TMEM135: variants seen among roughly 807,000 people sequenced by gnomAD.
The protein encoded by TMEM135 is peroxisomal membrane protein 52.
TMEM135 carries 30 observed loss-of-function variants against 60.3 expected under a neutral mutation model. The observed-to-expected ratio is 0.50, with a 90% CI of 0.37 to 0.68. The LOEUF is 0.68. Ranked by LOEUF, TMEM135 falls within the 30% of genes least tolerant of loss-of-function variation. The pLI is 0.00. For synonymous variants in TMEM135, 190 were observed against 186.7 expected (o/e 1.02, Z -0.14); for missense variants, 468 against 548.8 (o/e 0.85, Z 1.47).
At position 87,212,736 on chromosome 11, in the gene TMEM135, T is replaced by C. The variant is rs571782933; in HGVS notation, c.463-23902T>C. Among the ~76,000 whole-genome samples, 6 of 149,688 alleles carry C rather than the reference T, an allele frequency of 4.0e-5. No individual in the cohort carries two copies. The South Asian group carries it at 1.3e-3, about 32-fold the overall frequency. ...TACTCAAGAGGCTGAAGTGAGAGAA[T>C]CTCTTGAGCCTGAGAAGCGGAGGTT... On this transcript the variant is annotated intron_variant, in intron 5 of 14. Transcript: ENST00000305494.
At chr11:87,258,942 C>A in intron 6 of TMEM135, 1 of 1,469,562 alleles carries the variant, frequency 6.8e-7, no homozygotes, top group Non-Finnish European at 9.5e-7. Flanking sequence ...GCTGCAGTTG[C>A]TGCTGTTGCT....
At chr11:87,139,710 T>C (rs1938211571) in intron 4 of TMEM135, among the ~76,000 whole-genome samples, 1 of 152,230 alleles carries the variant, frequency 6.6e-6, no homozygotes, top group Non-Finnish European at 1.5e-5. Context: ...TCACTATCAC[T>C]TGGTATTGTC....
At chr11:87,120,337 C>G (rs969008317) in intron 4 of TMEM135, among the ~76,000 whole-genome samples, 1 of 151,644 alleles carries the variant, frequency 6.6e-6, no homozygotes, top group African/African-American at 2.4e-5. Context: ...AACTCCTGGA[C>G]TTAAGTGATT....
chr11:87,236,292 A>T (rs78943232), intron 5 of TMEM135, among the ~76,000 whole-genome samples: 12,209 of 152,018 alleles, frequency 0.08, 538 homozygotes, highest in African/African-American at 0.096. Context: ...TTTCTGGGCC[A>T]CATTGGAAGA....
intron 4 of TMEM135, among the ~76,000 whole-genome samples, chr11:87,144,024 G>A (rs968007211): frequency 1.3e-5 from 2 of 152,040 alleles, no homozygotes; most frequent in African/African-American, 2.4e-5. Context: ...TCTGTGAGAC[G>A]AATGATGTGA....
intron 4 of TMEM135, among the ~76,000 whole-genome samples, chr11:87,097,811 G>A (rs1857364944): frequency 6.6e-6 from 1 of 152,150 alleles, no homozygotes; most frequent in Non-Finnish European, 1.5e-5. Flanking sequence ...ATTTCACTGA[G>A]ACTGCTGAAA....
chr11:87,121,649 T>TTTTTG (rs1937597239), intron 4 of TMEM135: 1 of 148,182 alleles, frequency 6.7e-6, no homozygotes. Context: ...CTTTTTTTTT[T>TTTTTG]TTTTTTTTTG....
chr11:87,302,531 C>G, intron 8 of TMEM135, 89 bp downstream of exon 8: 1 of 1,524,870 alleles, frequency 6.6e-7, no homozygotes, highest in Non-Finnish European at 9.1e-7. Flanking sequence ...GTTTTCTATT[C>G]AGGTAATGAT....
At chr11:87,302,504 A>G (rs1446828106) in intron 8 of TMEM135, 62 bp downstream of exon 8, 2 of 1,601,724 alleles carry the variant, frequency 1.2e-6, no homozygotes, top group African/African-American at 2.7e-5. Flanking sequence ...TATTTGTACC[A>G]TGCCAAGGTT....
In TMEM135 at chr11:87,236,687, A is replaced by G. The variant is rs1941003647; in HGVS notation, c.509+3A>G. 1 of 1,611,260 alleles carries G rather than the reference A, an allele frequency of 6.2e-7. No homozygotes were observed. The highest frequency in any genetic ancestry group is 8.5e-7 in the Non-Finnish European group (1 of 1,178,068). ...GCCATGTACATGTTCTTTTTCAGGT[A>G]TGTTCTGTTATACTTATTTACTTTA... On this transcript the variant is annotated splice_donor_region_variant and intron_variant, in intron 6 of 14. Transcript: ENST00000305494.
At chr11:87,278,192 A>G (rs1336959929) in intron 6 of TMEM135, among the ~76,000 whole-genome samples, 1 of 152,184 alleles carries the variant, frequency 6.6e-6, no homozygotes, top group African/African-American at 2.4e-5. Flanking sequence ...CCTCTATACT[A>G]AAAAATTCAG....
intron 1 of TMEM135, among the ~76,000 whole-genome samples, chr11:87,060,433 A>G (rs936912867): frequency 1.3e-5 from 2 of 152,200 alleles, no homozygotes; most frequent in African/African-American, 2.4e-5. Context: ...TTCTCTGAGA[A>G]TAGGCAACTT....
intron 6 of TMEM135, among the ~76,000 whole-genome samples, chr11:87,262,404 A>T (rs1239044944): frequency 6.6e-6 from 1 of 152,180 alleles, no homozygotes; most frequent in Non-Finnish European, 1.5e-5. Flanking sequence ...TTATGTTGGT[A>T]ATTTTTATCT....
intron 5 of TMEM135, among the ~76,000 whole-genome samples, chr11:87,189,341 A>G (rs1939742674): frequency 2.0e-5 from 3 of 151,956 alleles, no homozygotes; most frequent in Non-Finnish European, 4.4e-5. Context: ...TTATATTTTT[A>G]GTAGAGACGG....
intron 5 of TMEM135, among the ~76,000 whole-genome samples, chr11:87,167,106 TTGTC>T (rs1450802492): frequency 2.6e-5 from 4 of 152,278 alleles, no homozygotes; most frequent in Non-Finnish European, 4.4e-5. Flanking sequence ...GGCGTTCTCT[TTGTC>T]TGTTATCAAT....
chr11:87,108,538 CTATT>C (rs764284196), intron 4 of TMEM135, among the ~76,000 whole-genome samples: 31 of 152,058 alleles, frequency 2.0e-4, no homozygotes, highest in South Asian at 1.5e-3. Flanking sequence ...TTTCTAGTCT[CTATT>C]TATTTCTGCT....
At chr11:87,272,749 A>G (rs184238269) in intron 6 of TMEM135, among the ~76,000 whole-genome samples, 1 of 152,338 alleles carries the variant, frequency 6.6e-6, no homozygotes, top group Non-Finnish European at 1.5e-5. Flanking sequence ...GATGTGAGCC[A>G]TCATACCCAG....
chr11:87,265,465 C>G (rs1419467484), intron 6 of TMEM135, among the ~76,000 whole-genome samples: 1 of 151,882 alleles, frequency 6.6e-6, no homozygotes. Context: ...TCTATTACTC[C>G]TCAATGTTTT....
intron 8 of TMEM135, 119 bp downstream of exon 8, chr11:87,302,561 CTG>C (rs1184656165): frequency 7.8e-7 from 1 of 1,289,142 alleles, no homozygotes; most frequent in Non-Finnish European, 1.1e-6. Context: ...TCACCAGAAA[CTG>C]TGCATAGAAT....
Sources: allele counts gnomAD v4.1 joint callset (sites outside exome capture counted in the v4.1 genomes callset), GRCh38; gene constraint gnomAD v4.1.1; transcripts MANE v1.5; gene names NCBI Gene and HGNC (gene_info 2026-07-23, HGNC 2026-07-21).